Variants in LPGAT1 observed in about 807,000 individuals in gnomAD.
LPGAT1 encodes acyl-CoA:lysophosphatidylglycerol acyltransferase 1.
Under a neutral mutation model 47.5 loss-of-function variants are expected in LPGAT1, and 11 were observed. The ratio of observed to expected loss-of-function variants is 0.23; its 90% CI spans 0.15 to 0.38. The LOEUF is 0.38. Ranked by LOEUF, LPGAT1 falls within the 10% of genes least tolerant of loss-of-function variation. The pLI, the probability that LPGAT1 is intolerant of heterozygous loss-of-function variation, is 1.00. For missense variants in LPGAT1, 293 were observed against 439.0 expected, an observed-to-expected ratio of 0.67 and a Z score of 2.97; for synonymous variants, 138 against 144.2, an observed-to-expected ratio of 0.96 and a Z score of 0.31.
chr1:211,784,414 C>T (rs1192032200), intron 4 of LPGAT1, among the ~76,000 whole-genome samples: 1 of 151,330 alleles, frequency 6.6e-6, no homozygotes, highest in Non-Finnish European at 1.5e-5. Context: ...TCACTTGTGC[C>T]CACAAGTTCG....
Position 211,830,294 on chromosome 1 carries a change from A to T in LPGAT1, c.-28+279T>A. The stretch of plus-strand genomic sequence containing the variant: ...CCCAAGCGGCCCGAGGCGCTGCGCG[A>T]GCGGGCGCGCTGGCGCCCTACTCCC... On this transcript the variant is annotated intron_variant, in intron 1 of 7. Transcript: ENST00000366997. The surrounding 1 kb of genome is among the most constrained non-coding windows in gnomAD (Gnocchi z 5.9). 2 of 1,055,348 alleles carry T rather than the reference A, an allele frequency of 1.9e-6. No homozygotes were observed. Among genetic ancestry groups the T allele is most frequent in the Non-Finnish European group, 2.3e-6 (2 of 875,522 alleles). The allele number at this position is 1,055,348 out of a possible 1,614,324, so 65.4% of individuals were successfully genotyped here.
intron 6 of LPGAT1, among the ~76,000 whole-genome samples, chr1:211,778,692 C>T (rs1004373349): frequency 2.0e-5 from 3 of 152,156 alleles, no homozygotes; most frequent in African/African-American, 7.2e-5. Flanking sequence ...TCAAAAGTGT[C>T]AGGCAACCGA....
At chr1:211,795,567 A>G (rs1659319716) in intron 2 of LPGAT1, among the ~76,000 whole-genome samples, 1 of 152,144 alleles carries the variant, frequency 6.6e-6, no homozygotes, top group African/African-American at 2.4e-5. Context: ...GGGTTTCTCC[A>G]TGTTGGTCAG....
chr1:211,755,019 G>A lies in LPGAT1; in HGVS notation c.855-3952C>T, dbSNP rs540531393. Among the ~76,000 whole-genome samples the A allele has an allele frequency of 1.6e-4, 20 of 124,236 alleles. 1 individual carries two copies. In the East Asian group the frequency reaches 3.5e-3, roughly 22 times the overall value. The allele number at this position is 124,236 out of a possible 152,430, so 81.5% of individuals were successfully genotyped here. A position where few individuals can be genotyped will look rare whatever the true frequency, so the allele number is the denominator to read the frequency against. ...ACAGAGTAAGACTCAGTCTCGAAGC[G>A]ACAGAGCAAGACTCCGTCTCCAAAA... On this transcript the variant is annotated intron_variant, in intron 6 of 7. Coordinates refer to ENST00000366997, the MANE Select transcript of LPGAT1 (RefSeq NM_014873.3).
intron 2 of LPGAT1, among the ~76,000 whole-genome samples, chr1:211,801,813 C>T (rs1168761564): frequency 6.6e-6 from 1 of 151,690 alleles, no homozygotes; most frequent in Non-Finnish European, 1.5e-5. Context: ...GGCACGGTGG[C>T]TCACTCCTGT....
chr1:211,804,470 T>C (rs1659686429), intron 2 of LPGAT1, among the ~76,000 whole-genome samples: 1 of 152,114 alleles, frequency 6.6e-6, no homozygotes, highest in Non-Finnish European at 1.5e-5. Context: ...AGGCAGAAAA[T>C]TACCCCAAAT....
At chr1:211,770,238 G>A (rs1658107951) in intron 6 of LPGAT1, among the ~76,000 whole-genome samples, 4 of 152,094 alleles carry the variant, frequency 2.6e-5, no homozygotes, top group Admixed American at 2.6e-4. Flanking sequence ...GAACTGCTAT[G>A]TCATAGATAA....
intron 2 of LPGAT1, among the ~76,000 whole-genome samples, chr1:211,803,261 A>T (rs1158507044): frequency 6.6e-6 from 1 of 152,234 alleles, no homozygotes; most frequent in Admixed American, 6.5e-5. Context: ...ATTGGATGGT[A>T]TGTTTCACTA....
intron 6 of LPGAT1, among the ~76,000 whole-genome samples, chr1:211,762,913 T>C (rs1422567394): frequency 6.6e-6 from 1 of 152,186 alleles, no homozygotes; most frequent in Non-Finnish European, 1.5e-5. Context: ...TCAATTCAAT[T>C]ATGTCAAGAT....
chr1:211,778,392 C>T (rs1658504329), intron 6 of LPGAT1, among the ~76,000 whole-genome samples: 1 of 150,754 alleles, frequency 6.6e-6, no homozygotes, highest in South Asian at 2.1e-4. Context: ...ATGAATAATC[C>T]ACCCATTATT....
chr1:211,829,611 C>A (rs1370255511), intron 1 of LPGAT1: 1 of 1,186,704 alleles, frequency 8.4e-7, no homozygotes, highest in Non-Finnish European at 1.1e-6. Flanking sequence ...CGTCCCCGCA[C>A]CGTGTCTCAC....
intron 2 of LPGAT1, among the ~76,000 whole-genome samples, chr1:211,826,716 T>C (rs1660555653): frequency 1.3e-5 from 2 of 152,144 alleles, no homozygotes; most frequent in South Asian, 4.1e-4. Flanking sequence ...CAATATTCAA[T>C]TTTTAGCTTC....
In LPGAT1 at chr1:211,759,694, C is replaced by A. The variant is rs891483476; in HGVS notation, c.855-8627G>T. 3.9e-5 allele frequency among the ~76,000 whole-genome samples: 6 copies of A among 152,176 alleles called. No homozygotes were observed. In the East Asian group the frequency reaches 1.2e-3, roughly 29 times the overall value. On this transcript the variant is annotated intron_variant, in intron 6 of 7. Transcript: ENST00000366997. ...GCATAGATTAAGCTACATCTCACAA[C>A]TTTTGATAGATAATATTTTCATTAT...
chr1:211,750,397 T>C (rs1014657285), intron 7 of LPGAT1, among the ~76,000 whole-genome samples: 1 of 152,226 alleles, frequency 6.6e-6, no homozygotes, highest in Admixed American at 6.5e-5. Context: ...ATTATCTTTC[T>C]TTCTGCAGAC....
intron 2 of LPGAT1, among the ~76,000 whole-genome samples, chr1:211,803,334 G>C (rs934796192): frequency 6.6e-6 from 1 of 152,170 alleles, no homozygotes; most frequent in Non-Finnish European, 1.5e-5. Context: ...ACACAGCCAA[G>C]GAGACAGGCA....
intron 6 of LPGAT1, among the ~76,000 whole-genome samples, chr1:211,755,528 CA>C (rs1657404470): frequency 6.7e-6 from 1 of 150,154 alleles, no homozygotes; most frequent in Non-Finnish European, 1.5e-5. Context: ...TTTTAAAACC[CA>C]AATTTAAGTG....
chr1:211,802,154 T>C (rs1659601225), intron 2 of LPGAT1, among the ~76,000 whole-genome samples: 1 of 151,560 alleles, frequency 6.6e-6, no homozygotes, highest in Non-Finnish European at 1.5e-5. Flanking sequence ...ATCTAAATGC[T>C]TCTTTGGAGT....
At position 211,778,925 on chromosome 1, in the gene LPGAT1, G is replaced by A; in HGVS notation, c.847C>T (p.His283Tyr). ...CTAATATAGAATTCTTACCTGTAAT[G>A]TACATGTGTGACTGTTGGTTTCCTG... Reference protein sequence around the residue: ...GYRKPTVTHVHYRIFPIKDVP... With the variant: ...GYRKPTVTHVYYRIFPIKDVP... Residue 283 changes from histidine (H) to tyrosine (Y), a missense_variant, in exon 6 of 8, where the codon CAT becomes TAT. By Grantham distance (83) the His-to-Tyr change is moderately conservative (BLOSUM62 2). Coordinates refer to ENST00000366997, the MANE Select transcript of LPGAT1 (RefSeq NM_014873.3). 1 of 1,600,828 alleles carries A rather than the reference G, an allele frequency of 6.2e-7. No individual in the cohort carries two copies. The highest frequency in any genetic ancestry group is 8.5e-7 in the Non-Finnish European group (1 of 1,175,234).
chr1:211,810,020 G>A (rs1418172039), intron 2 of LPGAT1, among the ~76,000 whole-genome samples: 1 of 152,100 alleles, frequency 6.6e-6, no homozygotes, highest in Non-Finnish European at 1.5e-5. Context: ...TATATAGTAA[G>A]GGTTTTGATC....
Sources: gnomAD v4.1 joint callset for allele counts (sites outside exome capture counted in the v4.1 genomes callset) on GRCh38, gnomAD v4.1.1 for gene constraint, Gnocchi (gnomAD v3.1) non-coding constraint, MANE v1.5 for transcripts, NCBI Gene and HGNC (gene_info 2026-07-23, HGNC 2026-07-21) for gene names.